Variants in PAK5 observed in about 807,000 individuals in gnomAD.
PAK5 encodes p21 (RAC1) activated kinase 5.
In PAK5, 16 loss-of-function variants were observed where a neutral mutation model predicts 65.9. That is an observed-to-expected ratio of 0.24 (90% CI 0.16 to 0.37). PAK5 has a LOEUF of 0.37. PAK5 is among the 10% of genes least tolerant of loss of function. The probability of loss-of-function intolerance (pLI) is 1.00; values close to 1 mark genes in which losing one functional copy is unlikely to be tolerated. For synonymous variants in PAK5, 371 were observed against 354.9 expected, an observed-to-expected ratio of 1.05 and a Z score of -0.51; for missense variants, 785 against 903.9, an observed-to-expected ratio of 0.87 and a Z score of 1.69.
chr20:9,699,822 T>A (rs1356606467), intron 2 of PAK5, among the ~76,000 whole-genome samples: 1 of 152,124 alleles, frequency 6.6e-6, no homozygotes, highest in South Asian at 2.1e-4. Flanking sequence ...GTGATGGAGA[T>A]GTCTCAGTTG....
intron 1 of PAK5, among the ~76,000 whole-genome samples, chr20:9,741,526 T>C (rs1429735805): frequency 6.6e-6 from 1 of 152,174 alleles, no homozygotes; most frequent in Non-Finnish European, 1.5e-5. Flanking sequence ...GTCTCCACTC[T>C]CTTGGTTAAG....
At chr20:9,639,833 G>A (rs1161668152) in intron 3 of PAK5, among the ~76,000 whole-genome samples, 5 of 152,172 alleles carry the variant, frequency 3.3e-5, no homozygotes, top group Non-Finnish European at 7.3e-5. Flanking sequence ...AGCCCACCTA[G>A]GAAATGGAAG....
At chr20:9,772,951 G>T (rs1002274392) in intron 1 of PAK5, among the ~76,000 whole-genome samples, 1 of 152,178 alleles carries the variant, frequency 6.6e-6, no homozygotes, top group African/African-American at 2.4e-5. Context: ...CTGAGGCATT[G>T]TCTCTCCTTG....
intron 1 of PAK5, among the ~76,000 whole-genome samples, chr20:9,786,358 C>G (rs867070749): frequency 4.6e-5 from 7 of 152,066 alleles, no homozygotes; most frequent in African/African-American, 1.7e-4. Flanking sequence ...ATTTACATGT[C>G]GTGGATGATT....
Position 9,627,409 on chromosome 20 carries a change from C to T in PAK5, c.204+16716G>A, listed in dbSNP as rs149628855. ...GCAAAGATGCTGCTGACCCATGAGG[C>T]GGGAGGTGAGGGCTGCTAATGTCAG... On this transcript the variant is annotated intron_variant, in intron 3 of 9. Coordinates refer to ENST00000353224, the MANE Select transcript of PAK5 (RefSeq NM_177990.4). Among the ~76,000 whole-genome samples the T allele has an allele frequency of 1.1e-3, 175 of 152,276 alleles. 1 individual carries two copies. Among genetic ancestry groups the T allele is most frequent in the African/African-American group, 4.0e-3 (166 of 41,558 alleles).
At chr20:9,744,026 G>A (rs1412901702) in intron 1 of PAK5, among the ~76,000 whole-genome samples, 1 of 152,170 alleles carries the variant, frequency 6.6e-6, no homozygotes, top group African/African-American at 2.4e-5. Context: ...TGAAGATGCT[G>A]GCCTTGAAGA....
chr20:9,768,954 G>A (rs1374529267), intron 1 of PAK5, among the ~76,000 whole-genome samples: 1 of 152,022 alleles, frequency 6.6e-6, no homozygotes, highest in Non-Finnish European at 1.5e-5. Flanking sequence ...AAGCCCATAA[G>A]TTTTCAGTTT....
intron 3 of PAK5, among the ~76,000 whole-genome samples, chr20:9,597,950 G>A (rs2046299518): frequency 6.6e-6 from 1 of 152,190 alleles, no homozygotes; most frequent in African/African-American, 2.4e-5. Flanking sequence ...ACAATAAACA[G>A]TTTTTAAAAA....
At chr20:9,707,280 A>T (rs2048020618) in intron 2 of PAK5, among the ~76,000 whole-genome samples, 1 of 151,936 alleles carries the variant, frequency 6.6e-6, no homozygotes, top group South Asian at 2.1e-4. Context: ...CACCATGCTC[A>T]GTTAATTTAT....
At chr20:9,707,303 T>C (rs1027860181) in intron 2 of PAK5, among the ~76,000 whole-genome samples, 2 of 152,028 alleles carry the variant, frequency 1.3e-5, no homozygotes, top group Non-Finnish European at 2.9e-5. Context: ...TTTGTAGAGA[T>C]AGCATCTATT....
chr20:9,725,812 G>A (rs1207787337), intron 1 of PAK5, among the ~76,000 whole-genome samples: 2 of 152,026 alleles, frequency 1.3e-5, no homozygotes, highest in African/African-American at 4.8e-5. Context: ...AATTTTAAAT[G>A]CACTGATATG....
chr20:9,732,397 G>A (rs2048343719), intron 1 of PAK5, among the ~76,000 whole-genome samples: 2 of 152,054 alleles, frequency 1.3e-5, no homozygotes, highest in African/African-American at 4.8e-5. Flanking sequence ...ACTTTCTGAT[G>A]ATATATTATG....
intron 2 of PAK5, among the ~76,000 whole-genome samples, chr20:9,688,032 C>T (rs2047743529): frequency 6.6e-6 from 1 of 151,716 alleles, no homozygotes; most frequent in Non-Finnish European, 1.5e-5. Context: ...ATGGTGGGGG[C>T]AGGGACTGGG....
At chr20:9,639,030 C>T (rs946305062) in intron 3 of PAK5, among the ~76,000 whole-genome samples, 1 of 152,106 alleles carries the variant, frequency 6.6e-6, no homozygotes. Context: ...AATAATTTTG[C>T]CAAAATGGCT....
rs375841288 is a variant in PAK5, at chr20:9,752,345, T to G, written c.-161-40910A>C. 1.4e-4 allele frequency among the ~76,000 whole-genome samples: 22 copies of G among 152,026 alleles called. 1 individual carries two copies. The highest frequency in any genetic ancestry group is 1.2e-3 in the Admixed American group (19 of 15,254). On this transcript the variant is annotated intron_variant, in intron 1 of 9. Coordinates refer to ENST00000353224, the MANE Select transcript of PAK5 (RefSeq NM_177990.4). ...TTAGACCTCAGAAAGGAGCATAGATTTATTCTAAGAGCAAGAGGAAAAAAC... is the reference window on the plus strand; with the variant it reads ...TTAGACCTCAGAAAGGAGCATAGATGTATTCTAAGAGCAAGAGGAAAAAAC...
At chr20:9,681,536 G>A (rs968579630) in intron 2 of PAK5, among the ~76,000 whole-genome samples, 2 of 151,552 alleles carry the variant, frequency 1.3e-5, no homozygotes, top group African/African-American at 4.9e-5. Flanking sequence ...CTAGATAATT[G>A]CATATTATTT....
At chr20:9,641,636 A>G (rs1196453671) in intron 3 of PAK5, among the ~76,000 whole-genome samples, 2 of 151,864 alleles carry the variant, frequency 1.3e-5, no homozygotes, top group Admixed American at 6.6e-5. Context: ...GCTGTGGAGC[A>G]GGGGGTGGTG....
intron 2 of PAK5, among the ~76,000 whole-genome samples, chr20:9,672,777 A>G (rs2423406): frequency 0.051 from 7,771 of 152,284 alleles, 219 homozygotes; most frequent in South Asian, 0.084. Flanking sequence ...GAATTACAAT[A>G]ATATATTTCC....
At chr20:9,562,744 G>A in intron 6 of PAK5, 147 bp downstream of exon 6, 1 of 667,784 alleles carries the variant, frequency 1.5e-6, no homozygotes, top group Non-Finnish European at 2.6e-6. Context: ...GAGCATAATG[G>A]GCCCTCTGGG....
Sources: gnomAD v4.1 joint callset for allele counts (sites outside exome capture counted in the v4.1 genomes callset) on GRCh38, gnomAD v4.1.1 for gene constraint, MANE v1.5 for transcripts, NCBI Gene and HGNC (gene_info 2026-07-23, HGNC 2026-07-21) for gene names.